The following DMD variants were observed in gnomAD, a reference collection of about 807,000 sequenced individuals.
The protein encoded by DMD is dystrophin, also known as mutant dystrophin.
Under a neutral mutation model 330.1 loss-of-function variants are expected in DMD, and 63 were observed. The observed-to-expected ratio is 0.19, with a 90% CI of 0.16 to 0.24. The LOEUF is 0.24. Ranked by LOEUF, DMD falls within the 10% of genes least tolerant of loss-of-function variation. The probability of loss-of-function intolerance (pLI) is 1.00; values close to 1 mark genes in which losing one functional copy is unlikely to be tolerated. For missense variants in DMD, 3,344 were observed against 2,684.1 expected, an observed-to-expected ratio of 1.25 and a Z score of -5.43; for synonymous variants, 1,223 against 959.8, an observed-to-expected ratio of 1.27 and a Z score of -5.07.
intron 57 of DMD, among the ~76,000 whole-genome samples, chrX:31,485,978 T>G (rs911558658): frequency 8.9e-6 from 1 of 112,313 alleles, no homozygotes; most frequent in Non-Finnish European, 1.9e-5. Flanking sequence ...GCTTCAAGCC[T>G]GGGCTGGGCC....
At chrX:32,496,659 C>T (rs991147364) in intron 19 of DMD, among the ~76,000 whole-genome samples, 3 of 112,931 alleles carry the variant, frequency 2.7e-5, no homozygotes, top group Middle Eastern at 4.6e-3. Context: ...GACACACACA[C>T]GCACATGTCT....
At chrX:33,082,487 A>C (rs976539224) in intron 1 of DMD, among the ~76,000 whole-genome samples, 2 of 111,972 alleles carry the variant, frequency 1.8e-5, no homozygotes, top group Non-Finnish European at 3.7e-5. Flanking sequence ...ATAACAAATC[A>C]GAAAGGAATC....
At chrX:31,967,318 G>A (rs1194385137) in intron 45 of DMD, among the ~76,000 whole-genome samples, 1 of 101,119 alleles carries the variant, frequency 9.9e-6, no homozygotes, top group Non-Finnish European at 2.0e-5. Context: ...GTGTGTGTGT[G>A]TGTGTGTGTG....
At chrX:32,625,443 TA>T (rs1378473197) in intron 11 of DMD, among the ~76,000 whole-genome samples, 1 of 111,807 alleles carries the variant, frequency 8.9e-6, no homozygotes. Context: ...AACCGACAGA[TA>T]ATTAGATTAC....
chrX:31,372,232 T>C (rs1272477946), intron 60 of DMD, among the ~76,000 whole-genome samples: 1 of 111,972 alleles, frequency 8.9e-6, no homozygotes, highest in African/African-American at 3.3e-5. Flanking sequence ...AGTAGTGTTC[T>C]TGCAAGATTA....
intron 7 of DMD, among the ~76,000 whole-genome samples, chrX:32,707,238 T>C (rs1463922045): frequency 1.8e-5 from 2 of 112,570 alleles, no homozygotes; most frequent in Non-Finnish European, 3.8e-5. Context: ...TATGTTCTCA[T>C]GAAAGAATGA....
intron 60 of DMD, among the ~76,000 whole-genome samples, chrX:31,421,908 C>CAT (rs1178326989): frequency 3.2e-5 from 2 of 62,555 alleles, no homozygotes; most frequent in African/African-American, 2.5e-4. Flanking sequence ...TATACACACA[C>CAT]ACACACATAT....
At chrX:32,073,937 T>C (rs2096322289) in intron 44 of DMD, among the ~76,000 whole-genome samples, 1 of 111,547 alleles carries the variant, frequency 9.0e-6, no homozygotes, top group East Asian at 2.8e-4. Flanking sequence ...TATTAATTAG[T>C]AAAATAGTTG....
intron 7 of DMD, among the ~76,000 whole-genome samples, chrX:32,718,172 G>A (rs768641342): frequency 7.2e-5 from 8 of 111,100 alleles, no homozygotes; most frequent in South Asian, 3.9e-4. Flanking sequence ...GGGGCAGAAC[G>A]ATATAGTTTG....
rs1265512129 is a variant in DMD, at chrX:32,710,688, G to A, written c.650-11395C>T. Among the ~76,000 whole-genome samples, 4 of 110,600 alleles carry A rather than the reference G, an allele frequency of 3.6e-5. No individual in the cohort carries two copies. The East Asian group carries it at 8.5e-4, about 24-fold the overall frequency. The stretch of plus-strand genomic sequence containing the variant: ...GACTGATATCTACAGAAAAAAAAAT[G>A]TACTCAAGTGCTCTCAGACTGAGGA... On this transcript the variant is annotated intron_variant, in intron 7 of 78. Transcript: ENST00000357033.
At chrX:31,882,441 C>T (rs1181845843) in intron 47 of DMD, among the ~76,000 whole-genome samples, 1 of 110,440 alleles carries the variant, frequency 9.1e-6, no homozygotes, top group Admixed American at 9.7e-5. Context: ...ATAAAGTTTT[C>T]AAAAGAAAAT....
intron 74 of DMD, among the ~76,000 whole-genome samples, chrX:31,162,823 G>A (rs979101940): frequency 3.6e-5 from 4 of 111,562 alleles, no homozygotes; most frequent in African/African-American, 1.3e-4. Flanking sequence ...CTATGAATCA[G>A]TCCCCTCAGA....
At chrX:31,680,117 G>C (rs1288062515) in intron 52 of DMD, among the ~76,000 whole-genome samples, 2 of 111,825 alleles carry the variant, frequency 1.8e-5, no homozygotes, top group African/African-American at 6.5e-5. Flanking sequence ...CTTGATGCTA[G>C]GGGAAATAAC....
At chrX:31,845,375 GTCTCTCTCTCTCTCTC>G (rs535397626) in intron 48 of DMD, among the ~76,000 whole-genome samples, 3,959 of 60,066 alleles carry the variant, frequency 0.066, 317 homozygotes, top group African/African-American at 0.2. Context: ...ACAGAATAAA[GTCTCTCTCTCTCTCTC>G]TCTCTCTCTC....
intron 60 of DMD, among the ~76,000 whole-genome samples, chrX:31,421,858 ACTCTCTCTCT>A (rs56157177): frequency 2.6e-5 from 2 of 77,334 alleles, no homozygotes; most frequent in Non-Finnish European, 5.0e-5. Context: ...CTCCCTGCTT[ACTCTCTCTCT>A]CTCTCTCTCT....
chrX:31,836,849 T>C, intron 48 of DMD, 30 bp from the exon 49 acceptor site: 1 of 1,113,741 alleles, frequency 9.0e-7, no homozygotes, highest in East Asian at 3.0e-5. Flanking sequence ...TAGTGCAGAT[T>C]AACTTCACAG....
intron 57 of DMD, among the ~76,000 whole-genome samples, chrX:31,493,042 G>C (rs765533836): frequency 6.8e-4 from 76 of 111,523 alleles, no homozygotes; most frequent in African/African-American, 2.2e-3. Flanking sequence ...AAAAACCTGT[G>C]CATCAAAGTA....
intron 9 of DMD, among the ~76,000 whole-genome samples, chrX:32,659,351 C>A (rs959360240): frequency 3.6e-5 from 4 of 111,497 alleles, no homozygotes; most frequent in Non-Finnish European, 7.5e-5. Flanking sequence ...TGTGGTATAT[C>A]CTTCATAAGG....
intron 7 of DMD, among the ~76,000 whole-genome samples, chrX:32,705,638 AAGCC>A (rs1437204206): frequency 9.0e-6 from 1 of 111,445 alleles, no homozygotes; most frequent in Non-Finnish European, 1.9e-5. Context: ...ACACGGTGAA[AAGCC>A]GTCTCAACTA....
Sources: allele counts gnomAD v4.1 joint callset (sites outside exome capture counted in the v4.1 genomes callset), GRCh38; gene constraint gnomAD v4.1.1; transcripts MANE v1.5; gene names NCBI Gene and HGNC (gene_info 2026-07-23, HGNC 2026-07-21).